The following ZNF253 variants were observed in gnomAD, a reference collection of about 807,000 sequenced individuals.
ZNF253 encodes DNA-binding protein.
Under a neutral mutation model 11.9 loss-of-function variants are expected in ZNF253, and 8 were observed. That is an observed-to-expected ratio of 0.67 (90% CI 0.40 to 1.22). The LOEUF (loss-of-function observed/expected upper bound fraction) is 1.22. Ranked by LOEUF, ZNF253 falls within the 50% of genes most tolerant of loss-of-function variation. The pLI is 0.01. For missense variants in ZNF253, 485 were observed against 586.9 expected, an observed-to-expected ratio of 0.83 and a Z score of 1.79; for synonymous variants, 194 against 194.9, an observed-to-expected ratio of 1.00 and a Z score of 0.04.
rs1435351178 is a variant in ZNF253 at position 19,885,225 on chromosome 19, TTC to T, written c.226+5081_226+5082del. 2.2e-3 allele frequency among the ~76,000 whole-genome samples: 82 copies of T among 38,118 alleles called. 2 individuals are homozygous for T. Among genetic ancestry groups the T allele is most frequent in the African/African-American group, 0.015 (71 of 4,620 alleles). The allele number at this position is 38,118 out of a possible 152,430, so 25.0% of individuals were successfully genotyped here. The stretch of plus-strand genomic sequence containing the variant: ...CATGTCTTTTTTTTGTATTCTTTCT[TTC>T]TTTCTTTCTTTCTTTCTTTCTTTCT... On this transcript the variant is annotated intron_variant, in intron 3 of 3. Transcript: ENST00000589717.
At chr19:19,871,618 A>G (rs747152749) in intron 1 of ZNF253, among the ~76,000 whole-genome samples, 13 of 152,172 alleles carry the variant, frequency 8.5e-5, no homozygotes, top group Non-Finnish European at 1.5e-4. Flanking sequence ...TAAGCAATTA[A>G]CATACACAGA....
chr19:19,873,865 A>G (rs2063144119), intron 1 of ZNF253, among the ~76,000 whole-genome samples: 1 of 151,946 alleles, frequency 6.6e-6, no homozygotes. Flanking sequence ...GTGACTTGTG[A>G]TGTCTACACC....
chr19:19,877,744 T>C (rs1447700515), intron 1 of ZNF253, among the ~76,000 whole-genome samples: 1 of 152,210 alleles, frequency 6.6e-6, no homozygotes, highest in African/African-American at 2.4e-5. Flanking sequence ...GGGTTAATGA[T>C]TCACTTGGTG....
intron 3 of ZNF253, among the ~76,000 whole-genome samples, chr19:19,889,575 A>G (rs2063220422): frequency 1.3e-5 from 2 of 151,922 alleles, no homozygotes; most frequent in African/African-American, 4.8e-5. Flanking sequence ...TGAACTCCTG[A>G]CCTCAAATGA....
At position 19,866,659 on chromosome 19, in the gene ZNF253, C is replaced by T. The variant is rs1015535355; in HGVS notation, c.3+660C>T. On this transcript the variant is annotated intron_variant, in intron 1 of 3. Coordinates refer to ENST00000589717, the MANE Select transcript of ZNF253 (RefSeq NM_021047.3). ...GGTTACAGGCATGCGTCACCACACCCGGCTGATTTTGTATTTTTAGTAGAC... is the reference window on the plus strand; with the variant it reads ...GGTTACAGGCATGCGTCACCACACCTGGCTGATTTTGTATTTTTAGTAGAC... 2.6e-5 allele frequency among the ~76,000 whole-genome samples: 4 copies of T among 152,116 alleles called. No individual in the cohort carries two copies. In the Middle Eastern group the frequency reaches 0.01, roughly 388 times the overall value.
At chr19:19,875,497 G>T (rs531737020) in intron 1 of ZNF253, among the ~76,000 whole-genome samples, 1 of 151,990 alleles carries the variant, frequency 6.6e-6, no homozygotes, top group East Asian at 1.9e-4. Flanking sequence ...CTGGGTTCAC[G>T]CCATTCTCCT....
At chr19:19,873,738 C>T (rs2145261710) in intron 1 of ZNF253, among the ~76,000 whole-genome samples, 1 of 152,012 alleles carries the variant, frequency 6.6e-6, no homozygotes, top group East Asian at 1.9e-4. Flanking sequence ...AATCCAGAAA[C>T]TTTTAGTCTA....
intron 3 of ZNF253, among the ~76,000 whole-genome samples, chr19:19,885,215 TATTCTTTC>T (rs2063193608): frequency 8.6e-6 from 1 of 116,482 alleles, no homozygotes; most frequent in Non-Finnish European, 1.7e-5. Context: ...CTTTTTTTTG[TATTCTTTC>T]TTTCTTTCTT....
chr19:19,892,964 C>T lies in ZNF253; in HGVS notation c.*217C>T. 1 of 514,848 alleles carries T rather than the reference C, an allele frequency of 1.9e-6. No homozygotes were observed. Among genetic ancestry groups the T allele is most frequent in the Non-Finnish European group, 3.4e-6 (1 of 298,322 alleles). The allele number at this position is 514,848 out of a possible 1,614,324, so 31.9% of individuals were successfully genotyped here. ...TGAAGAATGTGGCAAAACCTATAAA[C>T]CTATAACAAGTTCTCAATTCCTTTT... On this transcript the variant is annotated 3_prime_UTR_variant, in exon 4 of 4. Coordinates refer to ENST00000589717, the MANE Select transcript of ZNF253 (RefSeq NM_021047.3).
At chr19:19,889,948 T>G (rs1352128153) in intron 3 of ZNF253, among the ~76,000 whole-genome samples, 2 of 152,240 alleles carry the variant, frequency 1.3e-5, no homozygotes, top group African/African-American at 4.8e-5. Flanking sequence ...CCTGTTCAAT[T>G]TATTCTGAAT....
At chr19:19,880,768 G>A (rs2063175077) in intron 3 of ZNF253, among the ~76,000 whole-genome samples, 1 of 151,796 alleles carries the variant, frequency 6.6e-6, no homozygotes, top group African/African-American at 2.4e-5. Context: ...ATTGTTTTGG[G>A]GACACACAAA....
At chr19:19,890,595 T>C (rs2122140250) in intron 3 of ZNF253, among the ~76,000 whole-genome samples, 1 of 150,388 alleles carries the variant, frequency 6.6e-6, no homozygotes, top group Non-Finnish European at 1.5e-5. Flanking sequence ...AAATCTTAGC[T>C]CACTACAATC....
chr19:19,883,345 C>T (rs2063185696), intron 3 of ZNF253, among the ~76,000 whole-genome samples: 1 of 152,056 alleles, frequency 6.6e-6, no homozygotes, highest in Non-Finnish European at 1.5e-5. Flanking sequence ...GTGGTTGTGG[C>T]TCTCATCTGT....
intron 3 of ZNF253, among the ~76,000 whole-genome samples, chr19:19,890,496 ATTTGTG>A (rs1555778366): frequency 4.0e-5 from 5 of 126,482 alleles, no homozygotes; most frequent in African/African-American, 1.7e-4. Context: ...GGCAATTTAT[ATTTGTG>A]TGTGTGTGTG....
At chr19:19,880,292 T>C (rs17445260) in intron 3 of ZNF253, 146 bp downstream of exon 3, 9 of 413,932 alleles carry the variant, frequency 2.2e-5, no homozygotes, top group Admixed American at 4.3e-5. Context: ...TTTTTTTTTT[T>C]CTCCCACAAA....
rs2122142399 is a variant in ZNF253, at chr19:19,891,656, A to C, written c.409A>C (p.Thr137Pro). ...TTATAATGGACTTAACCAATGTTTG[A>C]CAACTACCCAGAAAGAAATATTTCA... The part of the protein sequence containing the change: ...GGYNGLNQCL[T>P]TTQKEIFQCD... Residue 137 changes from threonine to proline, a missense_variant, in exon 4 of 4, where the codon ACA becomes CCA. By Grantham distance (38) the Thr-to-Pro change is conservative. Transcript: ENST00000589717. 6.2e-7 allele frequency: 1 copy of C among 1,614,148 alleles called. No homozygotes were observed. Among genetic ancestry groups the C allele is most frequent in the East Asian group, 2.2e-5 (1 of 44,866 alleles).
At position 19,892,204 on chromosome 19, in the gene ZNF253, A is replaced by G. The variant is rs1568502072; in HGVS notation, c.957A>G (p.Lys319=). The change falls in exon 4 of 4, where the codon AAA becomes AAG. Residue 319 remains lysine, a synonymous_variant. Transcript: ENST00000589717. ...GKPYNCEECG[K]SFKHCSNLTI... is the part of the protein sequence containing the mutation. The stretch of plus-strand genomic sequence containing the variant: ...CCTACAACTGTGAAGAATGTGGCAA[A>G]TCCTTTAAGCACTGCTCTAACCTTA... The G allele has an allele frequency of 6.2e-7, 1 of 1,613,646 alleles. No individual in the cohort carries two copies. The highest frequency in any genetic ancestry group is 1.3e-5 in the African/African-American group (1 of 74,898).
At chr19:19,872,396 G>T (rs1397388322) in intron 1 of ZNF253, among the ~76,000 whole-genome samples, 1 of 151,540 alleles carries the variant, frequency 6.6e-6, no homozygotes, top group African/African-American at 2.4e-5. Context: ...AAGTCCTTTT[G>T]ATTATCAAAC....
At position 19,893,164 on chromosome 19, in the gene ZNF253, G is replaced by C. The variant is rs1393938470; in HGVS notation, c.*417G>C. ...GGCTAATTTTTGGATTTTTAGTAGA[G>C]ATGGGGTTTCACAATGTTGGCCAGG... On this transcript the variant is annotated 3_prime_UTR_variant, in exon 4 of 4. Transcript: ENST00000589717. The C allele has an allele frequency of 5.9e-6, 1 of 169,576 alleles. No homozygotes were observed. Among genetic ancestry groups the C allele is most frequent in the Non-Finnish European group, 1.3e-5 (1 of 78,736 alleles). 10.5% of individuals were successfully genotyped at this position (169,576 alleles called of 1,614,324 possible). A position where few individuals can be genotyped will look rare whatever the true frequency, so the allele number is the denominator to read the frequency against.
Sources: allele counts gnomAD v4.1 joint callset (sites outside exome capture counted in the v4.1 genomes callset), GRCh38; gene constraint gnomAD v4.1.1; transcripts MANE v1.5; gene names NCBI Gene and HGNC (gene_info 2026-07-23, HGNC 2026-07-21).